SERPINA9: variants seen among roughly 807,000 people sequenced by gnomAD.
SERPINA9 encodes the protein serpin family A member 9, also known as serpin A9.
A neutral mutation model predicts 24.5 loss-of-function variants in SERPINA9; 32 were observed. That is an observed-to-expected ratio of 1.30 (90% CI 0.98 to 1.75). The LOEUF (loss-of-function observed/expected upper bound fraction) is 1.75, where lower values mean the gene tolerates loss of function less well. Among genes scored for constraint, SERPINA9 ranks in the 40% most tolerant of loss-of-function variants. The pLI, the probability that SERPINA9 is intolerant of heterozygous loss-of-function variation, is 0.00. For missense variants in SERPINA9, 594 were observed against 497.1 expected (o/e 1.19, Z -1.85); for synonymous variants, 233 against 197.7 (o/e 1.18, Z -1.50).
At chr14:94,475,782 A>G (rs1899598752) in intron 1 of SERPINA9, 3 of 370,214 alleles carry the variant, frequency 8.1e-6, no homozygotes, top group East Asian at 4.7e-5. Context: ...GCTCGTTAAG[A>G]CAAAGAAACC....
chr14:94,469,944 C>A, intron 1 of SERPINA9, 87 bp from the exon 2 acceptor site: 2 of 1,133,168 alleles, frequency 1.8e-6, no homozygotes, highest in Admixed American at 4.9e-5. Context: ...ACGCCATCAG[C>A]AGCAGAATGA....
rs12879019 is a variant in SERPINA9 at position 94,469,564 on chromosome 14, G to T, written c.277C>A (p.Gln93Lys). 16 of 1,613,972 alleles carry T rather than the reference G, an allele frequency of 9.9e-6. No individual in the cohort carries two copies. Among genetic ancestry groups the T allele is most frequent in the South Asian group, 4.4e-5 (4 of 91,084 alleles). The change falls in exon 2 of 5, where the codon CAG becomes AAG. Residue 93 changes from glutamine to lysine, a missense_variant. Gln to Lys is a moderately conservative substitution (Grantham distance 53). Coordinates refer to ENST00000674397, the MANE Select transcript of SERPINA9 (RefSeq NM_175739.4). ...SLGAHSVTKT[Q>K]ILQGLGFNLT... ...TTGAAGCCCAGGCCCTGGAGAATCT[G>T]GGTCTTGGTGACTGAGTGGGCCCCA...
At chr14:94,465,547 A>G (rs1898964061) in intron 3 of SERPINA9, among the ~76,000 whole-genome samples, 1 of 52,870 alleles carries the variant, frequency 1.9e-5, no homozygotes, top group South Asian at 6.0e-4. Context: ...CTTTTTTTTA[A>G]GATGGAGTCT....
chr14:94,470,113 G>T, intron 1 of SERPINA9: 1 of 994,598 alleles, frequency 1.0e-6, no homozygotes, highest in Non-Finnish European at 1.3e-6. Context: ...TGACTTGTCT[G>T]TGTTCTGTGT....
In SERPINA9 at chr14:94,469,434, A is replaced by C. The variant is rs777591835; in HGVS notation, c.407T>G (p.Leu136Arg). 2 of 1,614,168 alleles carry C rather than the reference A, an allele frequency of 1.2e-6. No individual in the cohort carries two copies. The highest frequency in any genetic ancestry group is 1.7e-6 in the Non-Finnish European group (2 of 1,180,030). ...KDLTLKMGSA[L>R]FVKKELQLQA... The stretch of plus-strand genomic sequence containing the variant: ...CAGCTGCAGCTCCTTCTTGACGAAG[A>C]GGGCACTTCCCATCTTCAAGGTCAG... Residue 136 changes from leucine to arginine, a missense_variant, in exon 2 of 5, where the codon CTC becomes CGC. Transcript: ENST00000674397.
At chr14:94,472,735 A>G (rs569992832) in intron 1 of SERPINA9, among the ~76,000 whole-genome samples, 1 of 152,316 alleles carries the variant, frequency 6.6e-6, no homozygotes, top group East Asian at 1.9e-4. Flanking sequence ...GGGAACACCT[A>G]TTCCATAACA....
chr14:94,465,945 G>A (rs754473775), intron 3 of SERPINA9, among the ~76,000 whole-genome samples: 3 of 152,286 alleles, frequency 2.0e-5, no homozygotes, highest in African/African-American at 2.4e-5. Context: ...TCACAGCAAC[G>A]AAAGCACAAA....
At position 94,469,298 on chromosome 14, in the gene SERPINA9, C is replaced by T. The variant is rs1321098830; in HGVS notation, c.543G>A (p.Lys181=). 6.2e-7 allele frequency: 1 copy of T among 1,614,218 alleles called. No homozygotes were observed. Among genetic ancestry groups the T allele is most frequent in the East Asian group, 2.2e-5 (1 of 44,888 alleles). The part of the protein sequence containing the change: ...AQARINSHVK[K]KTQGKVVDII... Reference sequence around the variant, plus strand: ...TGTCTACAACCTTCCCTTGGGTCTTCTTTTTCACATGGCTGTTGATCCTCG... The same window carrying T: ...TGTCTACAACCTTCCCTTGGGTCTTTTTTTTCACATGGCTGTTGATCCTCG... The change falls in exon 2 of 5, where the codon AAG becomes AAA. Residue 181 remains lysine, a synonymous_variant. Coordinates refer to ENST00000674397, the MANE Select transcript of SERPINA9 (RefSeq NM_175739.4).
chr14:94,464,999 A>G (rs1226525437), intron 3 of SERPINA9, 145 bp from the exon 4 acceptor site: 1 of 680,656 alleles, frequency 1.5e-6, no homozygotes, highest in Non-Finnish European at 2.4e-6. Flanking sequence ...TAGCCAAGAA[A>G]CCCAGGTTGC....
intron 3 of SERPINA9, among the ~76,000 whole-genome samples, chr14:94,466,454 G>A (rs774392348): frequency 3.3e-5 from 5 of 152,180 alleles, no homozygotes; most frequent in Non-Finnish European, 4.4e-5. Flanking sequence ...CCCAGACTAT[G>A]AGCACCAGGG....
intron 3 of SERPINA9, 60 bp from the exon 4 acceptor site, chr14:94,464,914 TC>T: frequency 7.0e-7 from 1 of 1,418,760 alleles, no homozygotes; most frequent in Non-Finnish European, 9.6e-7. Flanking sequence ...GCATCTCTGC[TC>T]CTAGATGCCA....
chr14:94,475,083 G>T (rs2139826074), intron 1 of SERPINA9, among the ~76,000 whole-genome samples: 1 of 152,066 alleles, frequency 6.6e-6, no homozygotes, highest in South Asian at 2.1e-4. Flanking sequence ...ATCCAGCTTG[G>T]GTGTCAAGGG....
chr14:94,464,308 T>TCC (rs1555374542), intron 4 of SERPINA9: 6,229 of 84,770 alleles, frequency 0.073, 695 homozygotes, highest in African/African-American at 0.17. Flanking sequence ...TCTCTCTCTC[T>TCC]CTCTCTCTCT....
intron 1 of SERPINA9, among the ~76,000 whole-genome samples, chr14:94,471,596 T>G (rs1899320445): frequency 6.6e-6 from 1 of 152,222 alleles, no homozygotes; most frequent in Admixed American, 6.5e-5. Flanking sequence ...CGATTTCTGT[T>G]GTGTAGTTTT....
chr14:94,467,226 T>C lies in SERPINA9; in HGVS notation c.785A>G (p.Asp262Gly). The change falls in exon 3 of 5, where the codon GAT (aspartate) becomes GGT (glycine). Residue 262 changes from aspartate (D) to glycine (G), a missense_variant. Physicochemically the swap from Asp to Gly is moderately conservative, Grantham distance 94. Transcript: ENST00000674397. ...GAAGGCCACGGCATCTCCCTTGTAA[T>C]CCATCTGCAGCACAAAGCAGTTCAG... is the stretch of plus-strand genomic sequence containing the variant. ...TELNCFVLQM[D>G]YKGDAVAFFV... 1 of 1,614,216 alleles carries C rather than the reference T, an allele frequency of 6.2e-7. No individual in the cohort carries two copies. Among genetic ancestry groups the C allele is most frequent in the South Asian group, 1.1e-5 (1 of 91,086 alleles).
At chr14:94,475,983 A>T (rs146449339) in intron 1 of SERPINA9, 153 bp downstream of exon 1, 2 of 1,129,916 alleles carry the variant, frequency 1.8e-6, no homozygotes, top group African/African-American at 1.5e-5. Context: ...AATGTGACCC[A>T]GATGCTACTA....
rs769889969 is a variant in SERPINA9 at position 94,476,142 on chromosome 14, A to G, written c.-24T>C. 9.3e-6 allele frequency: 15 copies of G among 1,614,070 alleles called. No homozygotes were observed. Among genetic ancestry groups the G allele is most frequent in the Non-Finnish European group, 8.5e-7 (1 of 1,180,000 alleles). On this transcript the variant is annotated 5_prime_UTR_variant, in exon 1 of 5. Coordinates refer to ENST00000674397, the MANE Select transcript of SERPINA9 (RefSeq NM_175739.4). The stretch of plus-strand genomic sequence containing the variant: ...GCACCTCCTCCTTACCCACCTTTGC[A>G]GGTTCCTCTTCTCCTGCCCTGTCCT...
chr14:94,463,291 G>C lies in SERPINA9; in HGVS notation c.1056C>G (p.Thr352=), dbSNP rs1475036900. The change falls in exon 5 of 5, where the codon ACC becomes ACG. Residue 352 remains threonine (T), a synonymous_variant. Transcript: ENST00000674397. The stretch of plus-strand genomic sequence containing the variant: ...CACTGACATCCAGCACAGCCTTGTG[G>C]GTTGCCTGCCAAGGGAAAAACAAAC... The part of the protein sequence containing the change: ...KRDSLQVSKA[T]HKAVLDVSEE... 1 of 1,613,848 alleles carries C rather than the reference G, an allele frequency of 6.2e-7. No individual in the cohort carries two copies. The highest frequency in any genetic ancestry group is 8.5e-7 in the Non-Finnish European group (1 of 1,180,012).
chr14:94,470,295 C>G lies in SERPINA9; in HGVS notation c.-17-438G>C, dbSNP rs867948503. 100 of 771,892 alleles carry G rather than the reference C, an allele frequency of 1.3e-4. No homozygotes were observed. The African/African-American group carries it at 1.8e-3, about 14-fold the overall frequency. The allele number at this position is 771,892 out of a possible 1,614,324, so 47.8% of individuals were successfully genotyped here. On this transcript the variant is annotated intron_variant, in intron 1 of 4. Transcript: ENST00000674397. ...CATTCTTTATCCATTTTGTGTAGAT[C>G]TGATTATTTTCTCACCCTGGCTGCC...
Sources: allele counts gnomAD v4.1 joint callset (sites outside exome capture counted in the v4.1 genomes callset), GRCh38; gene constraint gnomAD v4.1.1; transcripts MANE v1.5; gene names NCBI Gene and HGNC (gene_info 2026-07-23, HGNC 2026-07-21).